The following USP43 variants were observed in gnomAD, a reference collection of about 807,000 sequenced individuals.
The protein encoded by USP43 is ubiquitin specific peptidase 43, also known as ubiquitin carboxyl-terminal hydrolase 43.
Under a neutral mutation model 90.7 loss-of-function variants are expected in USP43, and 33 were observed. That is an observed-to-expected ratio of 0.36 (90% confidence interval 0.28 to 0.49). The LOEUF is 0.49. USP43 is among the 20% of genes least tolerant of loss of function. The pLI is 0.98. For missense variants in USP43, 1,274 were observed against 1,476.4 expected (o/e 0.86, Z 2.25); for synonymous variants, 598 against 615.8 (o/e 0.97, Z 0.43).
chr17:9,726,087 C>G (rs971917352), intron 14 of USP43, among the ~76,000 whole-genome samples: 1 of 152,166 alleles, frequency 6.6e-6, no homozygotes, highest in African/African-American at 2.4e-5. Flanking sequence ...TATGAGAAAC[C>G]TGGAAAGTCA....
chr17:9,668,146 T>G (rs946387350), intron 3 of USP43, among the ~76,000 whole-genome samples: 1 of 152,246 alleles, frequency 6.6e-6, no homozygotes, highest in Non-Finnish European at 1.5e-5. Flanking sequence ...TTCTGGATGT[T>G]GCACTAAATC....
At chr17:9,652,212 C>CAAAAAAA (rs769295315) in intron 1 of USP43, among the ~76,000 whole-genome samples, 103 of 42,658 alleles carry the variant, frequency 2.4e-3, no homozygotes, top group African/African-American at 8.8e-3. Context: ...GCCCTTAGCG[C>CAAAAAAA]AAAAAAAAAA....
At chr17:9,660,847 G>T (rs880335) in intron 2 of USP43, among the ~76,000 whole-genome samples, 2 of 152,196 alleles carry the variant, frequency 1.3e-5, no homozygotes, top group Non-Finnish European at 2.9e-5. Flanking sequence ...CTCTTTCTCT[G>T]TCTGGGGTCA....
intron 14 of USP43, among the ~76,000 whole-genome samples, chr17:9,722,789 G>A (rs1469553345): frequency 6.6e-6 from 1 of 152,044 alleles, no homozygotes; most frequent in Non-Finnish European, 1.5e-5. Context: ...TGCCCCTTCT[G>A]GTCTCTTTTG....
At chr17:9,726,862 C>A (rs112817392) in intron 14 of USP43, among the ~76,000 whole-genome samples, 62 of 152,294 alleles carry the variant, frequency 4.1e-4, no homozygotes, top group African/African-American at 1.4e-3. Flanking sequence ...GTTTCAGTTG[C>A]GCCAGGTGGA....
Position 9,728,573 on chromosome 17 carries a change from C to T in USP43, c.2955C>T (p.Thr985=). 6.2e-7 allele frequency: 1 copy of T among 1,614,032 alleles called. No individual in the cohort carries two copies. Among genetic ancestry groups the T allele is most frequent in the Non-Finnish European group, 8.5e-7 (1 of 1,179,892 alleles). Residue 985 remains threonine, a synonymous_variant, in exon 15 of 15, where the codon ACC becomes ACT. Transcript: ENST00000285199. This position sits in a 1 kb window ranked among gnomAD's most constrained non-coding sequence, Gnocchi z 6.2. ...SGNSKDSRRG[T]SELDRPLQGT... is the part of the protein sequence containing the mutation. ...ACAGCAAAGACAGTCGCCGAGGCAC[C>T]TCTGAGCTAGACAGACCCCTGCAGG...
chr17:9,697,660 G>T, intron 9 of USP43, among the ~76,000 whole-genome samples: 1 of 146,758 alleles, frequency 6.8e-6, no homozygotes, highest in African/African-American at 2.6e-5. Flanking sequence ...CAAAGAAACA[G>T]GAATTCTTTT....
chr17:9,720,248 C>A (rs1400370167), intron 14 of USP43, among the ~76,000 whole-genome samples: 1 of 148,120 alleles, frequency 6.8e-6, no homozygotes, highest in African/African-American at 2.5e-5. Flanking sequence ...ATCGCTTAAA[C>A]CTGCAAGGTG....
intron 8 of USP43, among the ~76,000 whole-genome samples, chr17:9,688,264 G>A (rs1298783386): frequency 6.6e-6 from 1 of 151,986 alleles, no homozygotes; most frequent in Non-Finnish European, 1.5e-5. Flanking sequence ...TGGGATTACA[G>A]GTGTGAGCCA....
chr17:9,706,514 T>A (rs1915882277), intron 12 of USP43, among the ~76,000 whole-genome samples: 1 of 152,074 alleles, frequency 6.6e-6, no homozygotes, highest in Non-Finnish European at 1.5e-5. Context: ...TTCTTAATTT[T>A]CTTGAGAGAA....
At chr17:9,719,161 C>G (rs1030713221) in intron 14 of USP43, among the ~76,000 whole-genome samples, 1 of 152,168 alleles carries the variant, frequency 6.6e-6, no homozygotes, top group African/African-American at 2.4e-5. Context: ...AAAAGATGTT[C>G]TTTCTCAAGC....
chr17:9,689,531 C>T (rs1204043892), intron 8 of USP43, among the ~76,000 whole-genome samples: 1 of 152,010 alleles, frequency 6.6e-6, no homozygotes, highest in African/African-American at 2.4e-5. Flanking sequence ...CCCACCTCAT[C>T]CTTGCAAGTA....
rs758993748 is a variant in USP43 at position 9,682,804 on chromosome 17, G to A, written c.1106-19G>A. On this transcript the variant is annotated intron_variant, in intron 6 of 14. Transcript: ENST00000285199. ...AGCTCCTTTAGGAATATGAACAAATGTCATTCTCTCCCTTCTAGCTCATCC... is the reference window on the plus strand; with the variant it reads ...AGCTCCTTTAGGAATATGAACAAATATCATTCTCTCCCTTCTAGCTCATCC... 1.2e-6 allele frequency: 2 copies of A among 1,612,360 alleles called. No individual in the cohort carries two copies. The highest frequency in any genetic ancestry group is 1.3e-5 in the African/African-American group (1 of 74,874).
intron 1 of USP43, among the ~76,000 whole-genome samples, chr17:9,652,950 C>T (rs1401374855): frequency 6.6e-6 from 1 of 151,838 alleles, no homozygotes; most frequent in Non-Finnish European, 1.5e-5. Flanking sequence ...TGCATTTTTT[C>T]TTCTATGACC....
intron 12 of USP43, among the ~76,000 whole-genome samples, chr17:9,702,655 C>T (rs183401430): frequency 6.7e-6 from 1 of 149,690 alleles, no homozygotes; most frequent in East Asian, 1.9e-4. Context: ...TGATTTTTCT[C>T]GATTATGTCA....
intron 14 of USP43, among the ~76,000 whole-genome samples, chr17:9,721,479 A>G (rs1916950906): frequency 6.6e-6 from 1 of 152,156 alleles, no homozygotes; most frequent in Non-Finnish European, 1.5e-5. Flanking sequence ...ACGTGCTACC[A>G]TTGCGCCACA....
rs1429503259 is a variant in USP43 at position 9,693,130 on chromosome 17, C to T, written c.1357C>T (p.Leu453=). The T allele has an allele frequency of 6.2e-7, 1 of 1,613,210 alleles. No individual in the cohort carries two copies. Among genetic ancestry groups the T allele is most frequent in the Admixed American group, 1.7e-5 (1 of 59,936 alleles). ...LMKSEAPVQN[L]GSLFSIRVVG... is the part of the protein sequence containing the mutation. Reference sequence around the variant, plus strand: ...ATGTCTGTTTTTGTCTTCGCAGAACCTGGGGTCTCTGTTCTCCATCCGTGT... The same window carrying T: ...ATGTCTGTTTTTGTCTTCGCAGAACTTGGGGTCTCTGTTCTCCATCCGTGT... The change falls in exon 9 of 15, where the codon CTG becomes TTG. Residue 453 remains leucine, a synonymous_variant. Coordinates refer to ENST00000285199, the MANE Select transcript of USP43 (RefSeq NM_153210.5).
chr17:9,675,022 C>T (rs763791711), intron 4 of USP43, 39 bp downstream of exon 4: 2 of 1,556,000 alleles, frequency 1.3e-6, no homozygotes, highest in East Asian at 2.2e-5. Flanking sequence ...AACTTGACTT[C>T]CATCCTTACT....
At chr17:9,646,660 G>GA (rs776523270) in intron 1 of USP43, among the ~76,000 whole-genome samples, 1 of 152,190 alleles carries the variant, frequency 6.6e-6, no homozygotes, top group Non-Finnish European at 1.5e-5. Context: ...GACAGGGAAA[G>GA]AAAAGCAGTG....
Sources: gnomAD v4.1 joint callset for allele counts (sites outside exome capture counted in the v4.1 genomes callset) on GRCh38, gnomAD v4.1.1 for gene constraint, Gnocchi (gnomAD v3.1) non-coding constraint, MANE v1.5 for transcripts, NCBI Gene and HGNC (gene_info 2026-07-23, HGNC 2026-07-21) for gene names.